ZNF831: variants seen among roughly 807,000 people sequenced by gnomAD.
The protein encoded by ZNF831 is zinc finger protein 831.
Under a neutral mutation model 95.8 loss-of-function variants are expected in ZNF831, and 59 were observed. That is an observed-to-expected ratio of 0.62 (90% CI 0.50 to 0.77). The LOEUF is 0.77. Among genes scored for constraint, ZNF831 ranks in the 30% least tolerant of loss-of-function variants. The pLI, the probability that ZNF831 is intolerant of heterozygous loss-of-function variation, is 0.00. For synonymous variants in ZNF831, 961 were observed against 925.5 expected (o/e 1.04, Z -0.70); for missense variants, 2,205 against 2,164.0 (o/e 1.02, Z -0.38).
chr20:59,251,302 G>A (rs1987874734), intron 4 of ZNF831, among the ~76,000 whole-genome samples: 1 of 152,168 alleles, frequency 6.6e-6, no homozygotes, highest in Non-Finnish European at 1.5e-5. Flanking sequence ...AAATAAAGAA[G>A]AGCCTCGGGG....
intron 4 of ZNF831, among the ~76,000 whole-genome samples, chr20:59,210,734 A>G (rs898031683): frequency 5.9e-5 from 9 of 152,224 alleles, no homozygotes; most frequent in Non-Finnish European, 1.2e-4. Flanking sequence ...AGCTCCCTCC[A>G]TGTGGGGGAA....
chr20:59,182,532 G>A (rs1043215399), intron 1 of ZNF831, among the ~76,000 whole-genome samples: 1 of 151,850 alleles, frequency 6.6e-6, no homozygotes, highest in Non-Finnish European at 1.5e-5. Context: ...ATGGCTGAGC[G>A]CAGCTGGCAG....
chr20:59,161,974 G>A (rs1442834664), upstream of ZNF831, among the ~76,000 whole-genome samples: 1 of 152,144 alleles, frequency 6.6e-6, no homozygotes, highest in Non-Finnish European at 1.5e-5. Context: ...CTGTGAGATG[G>A]TATCTCATTG....
At chr20:59,212,844 A>T (rs1348949667) in intron 4 of ZNF831, among the ~76,000 whole-genome samples, 1 of 152,202 alleles carries the variant, frequency 6.6e-6, no homozygotes, top group Non-Finnish European at 1.5e-5. Context: ...CTACCATCAC[A>T]TCCATCCATG....
chr20:59,192,016 G>A lies in ZNF831; in HGVS notation c.997G>A (p.Glu333Lys), dbSNP rs746483292. 6 of 1,608,632 alleles carry A rather than the reference G, an allele frequency of 3.7e-6. No individual in the cohort carries two copies. The South Asian group carries it at 5.5e-5, about 15-fold the overall frequency. The change falls in exon 2 of 6, where the codon GAG (glutamate) becomes AAG (lysine). Residue 333 changes from glutamate to lysine, a missense_variant. By Grantham distance (56) the Glu-to-Lys change is moderately conservative (BLOSUM62 1). Coordinates refer to ENST00000371030, the MANE Select transcript of ZNF831 (RefSeq NM_178457.3). The surrounding 1 kb of genome is among the most constrained non-coding windows in gnomAD (Gnocchi z 5.2). ...AEKPWDAKAP[E>K]GRLRKCESTD... ...GAAGCCCTGGGATGCCAAGGCCCCC[G>A]AGGGCCGGCTGCGGAAGTGTGAGAG...
upstream of ZNF831, among the ~76,000 whole-genome samples, chr20:59,161,340 T>C (rs189762675): frequency 1.3e-5 from 2 of 152,204 alleles, no homozygotes; most frequent in East Asian, 3.9e-4. Flanking sequence ...TGCAGTGGCA[T>C]GATCTCAGCT....
In ZNF831 at chr20:59,155,846, G is replaced by T. The variant is rs1018209232; in HGVS notation, c.-1280-3806G>T. On this transcript the variant is annotated intron_variant, in intron 2 of 7. Transcript: ENST00000637017. ...CTCCTCTGGGAAGACTTCATCTTCAGAGTCTGGCCTTGAGACACGTGCCAG... is the reference window on the plus strand; with the variant it reads ...CTCCTCTGGGAAGACTTCATCTTCATAGTCTGGCCTTGAGACACGTGCCAG... Among the ~76,000 whole-genome samples, 16 of 152,334 alleles carry T rather than the reference G, an allele frequency of 1.1e-4. 1 individual carries two copies. Among genetic ancestry groups the T allele is most frequent in the South Asian group, 8.3e-4 (4 of 4,822 alleles).
intron 4 of ZNF831, among the ~76,000 whole-genome samples, chr20:59,223,019 T>G (rs1336715493): frequency 6.6e-6 from 1 of 152,052 alleles, no homozygotes; most frequent in Non-Finnish European, 1.5e-5. Flanking sequence ...CTGTGGATGA[T>G]GTTTCACTGC....
chr20:59,210,424 G>A (rs181674043), intron 4 of ZNF831, among the ~76,000 whole-genome samples: 2 of 152,246 alleles, frequency 1.3e-5, no homozygotes, highest in South Asian at 2.1e-4. Flanking sequence ...GCTGAAATCC[G>A]TCTGTGGCCT....
In ZNF831 at chr20:59,191,069, C is replaced by T. The variant is rs756048520; in HGVS notation, c.50C>T (p.Pro17Leu). The T allele has an allele frequency of 3.3e-6, 5 of 1,516,476 alleles. No homozygotes were observed. In the South Asian group the frequency reaches 5.2e-5, roughly 16 times the overall value. The allele number at this position is 1,516,476 out of a possible 1,614,324, so 93.9% of individuals were successfully genotyped here. A position where few individuals can be genotyped will look rare whatever the true frequency, so the allele number is the denominator to read the frequency against. The change falls in exon 2 of 6, where the codon CCA becomes CTA. Residue 17 changes from proline to leucine, a missense_variant. Pro to Leu is a moderately conservative substitution (Grantham distance 98). Transcript: ENST00000371030. ...TCPAPPARDQ[P>L]APTPGPPGAP... The stretch of plus-strand genomic sequence containing the variant: ...CCTGCCCCTCCTGCGAGGGACCAGC[C>T]AGCTCCCACTCCTGGCCCTCCAGGG...
At chr20:59,150,774 C>G (rs1314711611) in intron 2 of ZNF831, among the ~76,000 whole-genome samples, 2 of 152,172 alleles carry the variant, frequency 1.3e-5, no homozygotes, top group African/African-American at 4.8e-5. Flanking sequence ...GATTTGTTGT[C>G]CAGGAGAGAA....
At chr20:59,243,806 C>G (rs1026695358) in intron 4 of ZNF831, among the ~76,000 whole-genome samples, 2 of 152,332 alleles carry the variant, frequency 1.3e-5, no homozygotes, top group Non-Finnish European at 2.9e-5. Context: ...TTAAACACAT[C>G]AATTATATCC....
In ZNF831 at chr20:59,193,616, C is replaced by G; in HGVS notation, c.2597C>G (p.Pro866Arg). 6.2e-7 allele frequency: 1 copy of G among 1,612,448 alleles called. No individual in the cohort carries two copies. Among genetic ancestry groups the G allele is most frequent in the Non-Finnish European group, 8.5e-7 (1 of 1,179,544 alleles). ...QKQDADPGEV[P>R]GGSKESARQV... is the part of the protein sequence containing the mutation. ...CAGGATGCCGATCCCGGGGAGGTGC[C>G]AGGGGGCTCAAAGGAGAGTGCCAGG... The change falls in exon 2 of 6, where the codon CCA becomes CGA. Residue 866 changes from proline (P) to arginine (R), a missense_variant. Physicochemically the swap from Pro to Arg is moderately radical, Grantham distance 103. Transcript: ENST00000371030.
intron 1 of ZNF831, among the ~76,000 whole-genome samples, chr20:59,137,147 A>G (rs567071999): frequency 2.0e-5 from 3 of 152,328 alleles, no homozygotes; most frequent in Admixed American, 6.5e-5. Flanking sequence ...AAAAATAAAC[A>G]TTCATCTTGC....
rs1335285245 is a variant in ZNF831 at position 59,191,377 on chromosome 20, A to G, written c.358A>G (p.Thr120Ala). Residue 120 changes from threonine to alanine, a missense_variant, in exon 2 of 6, where the codon ACT (threonine) becomes GCT (alanine). Transcript: ENST00000371030. Reference protein sequence around the residue: ...APTLTVNIVGTLPVLSPGLGP... With the variant: ...APTLTVNIVGALPVLSPGLGP... ...TACGCTGACGGTGAACATCGTGGGC[A>G]CTCTGCCTGTCCTGTCGCCGGGCCT... 3 of 1,609,064 alleles carry G rather than the reference A, an allele frequency of 1.9e-6. No homozygotes were observed. The highest frequency in any genetic ancestry group is 2.2e-5 in the East Asian group (1 of 44,838).
At chr20:59,130,675 A>T (rs1046932768) in intron 1 of ZNF831, among the ~76,000 whole-genome samples, 7 of 152,122 alleles carry the variant, frequency 4.6e-5, no homozygotes, top group Non-Finnish European at 1.0e-4. Context: ...TAATGTGATT[A>T]ATCCAAATTT....
intron 1 of ZNF831, among the ~76,000 whole-genome samples, chr20:59,164,532 A>G (rs1981100786): frequency 6.6e-6 from 1 of 152,240 alleles, no homozygotes; most frequent in African/African-American, 2.4e-5. Context: ...AATTAAACTG[A>G]AAGTGTGAAT....
chr20:59,238,103 G>A (rs967030081), intron 4 of ZNF831, among the ~76,000 whole-genome samples: 5 of 152,216 alleles, frequency 3.3e-5, no homozygotes, highest in African/African-American at 4.8e-5. Flanking sequence ...AAGGCAAAGC[G>A]GTAGAGACCT....
At chr20:59,167,258 G>C (rs1225943854) in intron 1 of ZNF831, among the ~76,000 whole-genome samples, 2 of 151,978 alleles carry the variant, frequency 1.3e-5, no homozygotes, top group African/African-American at 2.4e-5. Flanking sequence ...TCATGTGTTT[G>C]CACACTTTCT....
Sources: allele counts gnomAD v4.1 joint callset (sites outside exome capture counted in the v4.1 genomes callset), GRCh38; gene constraint gnomAD v4.1.1; non-coding constraint Gnocchi (gnomAD v3.1); transcripts MANE v1.5; gene names NCBI Gene and HGNC (gene_info 2026-07-23, HGNC 2026-07-21).